The following PCBP3 variants were observed in gnomAD, a reference collection of about 807,000 sequenced individuals.
The protein encoded by PCBP3 is poly(rC) binding protein 3, also known as poly(rC)-binding protein 3.
In PCBP3, 25 loss-of-function variants were observed where a neutral mutation model predicts 52.7. The observed-to-expected ratio is 0.47, with a 90% CI of 0.35 to 0.66. PCBP3 has a LOEUF of 0.66. Among genes scored for constraint, PCBP3 ranks in the 30% least tolerant of loss-of-function variants. PCBP3 has a pLI of 0.01. For missense variants in PCBP3, 391 were observed against 490.3 expected (o/e 0.80, Z 1.91); for synonymous variants, 162 against 183.0 (o/e 0.89, Z 0.93).
intron 4 of PCBP3, among the ~76,000 whole-genome samples, chr21:45,824,084 T>C (rs2093235751): frequency 6.6e-6 from 1 of 152,220 alleles, no homozygotes; most frequent in Non-Finnish European, 1.5e-5. Flanking sequence ...TTATAATGTG[T>C]CTTTAGTTGA....
At chr21:45,784,371 C>G (rs2090894028) in intron 4 of PCBP3, among the ~76,000 whole-genome samples, 1 of 148,294 alleles carries the variant, frequency 6.7e-6, no homozygotes, top group Non-Finnish European at 1.5e-5. Flanking sequence ...TCTACCTCTA[C>G]CTCTACCTCT....
intron 9 of PCBP3, 21 bp downstream of exon 9, chr21:45,901,134 C>T: frequency 6.5e-7 from 1 of 1,529,056 alleles, no homozygotes; most frequent in East Asian, 2.2e-5. Flanking sequence ...CCCCAGGCAC[C>T]TCTGCCAGCC....
At chr21:45,840,382 G>A (rs865847033) in intron 4 of PCBP3, among the ~76,000 whole-genome samples, 7 of 151,204 alleles carry the variant, frequency 4.6e-5, no homozygotes, top group Admixed American at 1.3e-4. Context: ...GTGTGAACCC[G>A]GGAGGCGGAG....
At chr21:45,693,132 C>T (rs575229404) in intron 2 of PCBP3, among the ~76,000 whole-genome samples, 10 of 152,010 alleles carry the variant, frequency 6.6e-5, no homozygotes, top group African/African-American at 1.2e-4. Context: ...ACAATAATTT[C>T]GTCAACCTGA....
At chr21:45,698,535 A>T (rs1444788371) in intron 2 of PCBP3, among the ~76,000 whole-genome samples, 4 of 152,276 alleles carry the variant, frequency 2.6e-5, no homozygotes, top group Non-Finnish European at 5.9e-5. Context: ...AGCAAGGACC[A>T]GCATGTGACA....
chr21:45,895,397 G>A (rs1020273625), intron 5 of PCBP3, among the ~76,000 whole-genome samples: 1 of 152,166 alleles, frequency 6.6e-6, no homozygotes, highest in African/African-American at 2.4e-5. Flanking sequence ...TCGGTGAGGT[G>A]TTGCCCTTCA....
chr21:45,872,652 G>A (rs111428304), intron 5 of PCBP3: 1,935 of 152,350 alleles, frequency 0.013, 20 homozygotes, highest in Non-Finnish European at 0.018. Context: ...TTGGGGCTGC[G>A]GTCCCAGTGC....
chr21:45,897,586 C>A (rs1843727346), intron 6 of PCBP3, among the ~76,000 whole-genome samples: 1 of 152,184 alleles, frequency 6.6e-6, no homozygotes, highest in African/African-American at 2.4e-5. Flanking sequence ...GATGCCCTCG[C>A]TGCCCCTGCT....
intron 4 of PCBP3, among the ~76,000 whole-genome samples, chr21:45,781,909 G>A (rs898730925): frequency 8.5e-5 from 13 of 152,158 alleles, no homozygotes; most frequent in Admixed American, 1.3e-4. Flanking sequence ...TTCACTGAAA[G>A]TTTATATAAA....
rs1389587714 is a variant in PCBP3, at chr21:45,737,738, C to T, written c.-162+2309C>T. Among the ~76,000 whole-genome samples, 2 of 152,178 alleles carry T rather than the reference C, an allele frequency of 1.3e-5. No homozygotes were observed. The highest frequency in any genetic ancestry group is 1.3e-4 in the Admixed American group (2 of 15,280). ...GGGAACTTTTATAGGTACCTGTGGC[C>T]TCTTCTGCTGGTGGGAATGGAGGTG... On this transcript the variant is annotated intron_variant, in intron 3 of 17. Transcript: ENST00000681687. This position sits in a 1 kb window ranked among gnomAD's most constrained non-coding sequence, Gnocchi z 4.9.
At chr21:45,690,264 C>T (rs1399517143) in intron 2 of PCBP3, among the ~76,000 whole-genome samples, 2 of 151,984 alleles carry the variant, frequency 1.3e-5, no homozygotes, top group African/African-American at 2.4e-5. Flanking sequence ...GTCAGAAGAA[C>T]TGAATATCCA....
intron 4 of PCBP3, among the ~76,000 whole-genome samples, chr21:45,785,891 G>A (rs1315772557): frequency 6.7e-6 from 1 of 150,158 alleles, no homozygotes; most frequent in East Asian, 1.9e-4. Flanking sequence ...AATGGATTAA[G>A]GGCGGTGCAA....
At chr21:45,784,425 C>CCTCCTAG (rs2090925959) in intron 4 of PCBP3, among the ~76,000 whole-genome samples, 1 of 84,470 alleles carries the variant, frequency 1.2e-5, no homozygotes, top group African/African-American at 5.6e-5. Flanking sequence ...GCTACCCCTA[C>CCTCCTAG]CTCCTACCTC....
rs544923077 is a variant in PCBP3, at chr21:45,678,095, A to C, written c.-200+9143A>C. On this transcript the variant is annotated intron_variant, in intron 2 of 17. Coordinates refer to ENST00000681687, the MANE Select transcript of PCBP3 (RefSeq NM_001384156.1). ...GGTGGCTCACGCCTGTAATCCCAGC[A>C]CTTTGGGAGGCAGAGGTGGGAGGAT... is the stretch of plus-strand genomic sequence containing the variant. Among the ~76,000 whole-genome samples the C allele has an allele frequency of 1.4e-4, 21 of 152,262 alleles. 1 individual carries two copies. The highest frequency in any genetic ancestry group is 4.6e-4 in the African/African-American group (19 of 41,544).
At chr21:45,767,209 C>T (rs2089424926) in intron 4 of PCBP3, among the ~76,000 whole-genome samples, 1 of 152,164 alleles carries the variant, frequency 6.6e-6, no homozygotes, top group African/African-American at 2.4e-5. Context: ...TAAGCAGTCC[C>T]TCCCAATCCC....
intron 4 of PCBP3, among the ~76,000 whole-genome samples, chr21:45,784,429 CT>C (rs1242081563): frequency 2.3e-4 from 27 of 117,684 alleles, no homozygotes; most frequent in African/African-American, 6.9e-4. Context: ...CCCCTACCTC[CT>C]ACCTCCTACC....
intron 4 of PCBP3, among the ~76,000 whole-genome samples, chr21:45,846,894 G>T (rs891202906): frequency 6.6e-6 from 1 of 152,178 alleles, no homozygotes; most frequent in Non-Finnish European, 1.5e-5. Flanking sequence ...CTTGGCAATT[G>T]TCATGTCTCT....
chr21:45,867,249 G>A (rs2094775015), intron 5 of PCBP3, among the ~76,000 whole-genome samples: 1 of 152,252 alleles, frequency 6.6e-6, no homozygotes. Flanking sequence ...CGGATCTGAG[G>A]CAGGGCCAGC....
chr21:45,922,245 T>C (rs913756303), intron 13 of PCBP3, among the ~76,000 whole-genome samples: 5 of 152,172 alleles, frequency 3.3e-5, no homozygotes, highest in Non-Finnish European at 5.9e-5. Context: ...CTGGAAGAAA[T>C]GAGTGAACTT....
Sources: allele counts gnomAD v4.1 joint callset (sites outside exome capture counted in the v4.1 genomes callset), GRCh38; gene constraint gnomAD v4.1.1; non-coding constraint Gnocchi (gnomAD v3.1); transcripts MANE v1.5; gene names NCBI Gene and HGNC (gene_info 2026-07-23, HGNC 2026-07-21).